SSUH2: variants seen among roughly 807,000 people sequenced by gnomAD.
SSUH2 encodes ssu-2 homolog.
SSUH2 carries 47 observed loss-of-function variants against 55.3 expected under a neutral mutation model. That is an observed-to-expected ratio of 0.85 (90% CI 0.67 to 1.08). SSUH2 has a LOEUF of 1.08. Among genes scored for constraint, SSUH2 ranks in the 50% least tolerant of loss-of-function variants. SSUH2 has a pLI of 0.00. For missense variants in SSUH2, 535 were observed against 490.7 expected, an observed-to-expected ratio of 1.09 and a Z score of -0.85; for synonymous variants, 212 against 191.5, an observed-to-expected ratio of 1.11 and a Z score of -0.89.
intron 1 of SSUH2, among the ~76,000 whole-genome samples, chr3:8,680,091 G>C (rs565227227): frequency 7.2e-5 from 11 of 152,182 alleles, no homozygotes; most frequent in African/African-American, 2.2e-4. Context: ...GTATGCATCA[G>C]AGAGAGAAAA....
chr3:8,635,855 C>T lies in SSUH2; in HGVS notation c.31G>A (p.Val11Met). 2 of 1,535,936 alleles carry T rather than the reference C, an allele frequency of 1.3e-6. No homozygotes were observed. Among genetic ancestry groups the T allele is most frequent in the Non-Finnish European group, 1.7e-6 (2 of 1,146,790 alleles). ...TCGGCCTCAAAACTGAGGTCCACCA[C>T]ACCTGCAGAAAGACAAGCATTCCTA... MDRDLNEDDS[V>M]VDLSFEAESP... The change falls in exon 2 of 12, where the codon GTG becomes ATG. Residue 11 changes from valine to methionine, a missense_variant and splice_region_variant. Transcript: ENST00000544814.
intron 11 of SSUH2, among the ~76,000 whole-genome samples, chr3:8,622,700 C>T (rs1254919279): frequency 6.6e-6 from 1 of 152,194 alleles, no homozygotes; most frequent in Admixed American, 6.5e-5. Context: ...TCTTCTCTCT[C>T]CTACAAATCA....
intron 5 of SSUH2, among the ~76,000 whole-genome samples, chr3:8,665,710 A>T (rs774820799): frequency 3.9e-5 from 6 of 152,228 alleles, no homozygotes; most frequent in Non-Finnish European, 8.8e-5. Flanking sequence ...ACGTCTTAAC[A>T]AATTAAATAT....
intron 1 of SSUH2, among the ~76,000 whole-genome samples, chr3:8,638,142 G>A (rs1237899601): frequency 6.6e-6 from 1 of 152,126 alleles, no homozygotes; most frequent in Non-Finnish European, 1.5e-5. Flanking sequence ...GCTGAAACCT[G>A]AGCCTTTCTG....
At position 8,678,900 on chromosome 3, in the gene SSUH2, G is replaced by T. The variant is rs1390378754; in HGVS notation, c.-901+805C>A. On this transcript the variant is annotated intron_variant, in intron 2 of 18. Coordinates refer to the SSUH2 transcript ENST00000317371. ...AGGATCCCCATTGCAAGGGAGGGAG[G>T]CACCCCCCGCCAGGCGGGGACTGAG... is the stretch of plus-strand genomic sequence containing the variant. Among the ~76,000 whole-genome samples, 2 of 104,718 alleles carry T rather than the reference G, an allele frequency of 1.9e-5. 1 individual carries two copies. Among genetic ancestry groups the T allele is most frequent in the Admixed American group, 1.9e-4 (2 of 10,588 alleles). The allele number at this position is 104,718 out of a possible 152,430, so 68.7% of individuals were successfully genotyped here.
chr3:8,644,499 TAC>T (rs1348693699), intron 1 of SSUH2, among the ~76,000 whole-genome samples: 2 of 152,152 alleles, frequency 1.3e-5, no homozygotes, highest in South Asian at 4.1e-4. Context: ...AGGTAGGCTT[TAC>T]ACACGAGAGG....
At chr3:8,681,863 C>G (rs1705978165) in intron 1 of SSUH2, 1 of 164,030 alleles carries the variant, frequency 6.1e-6, no homozygotes, top group Non-Finnish European at 1.3e-5. Context: ...GGAACCCCAT[C>G]GCAGATCCTA....
intron 3 of SSUH2, among the ~76,000 whole-genome samples, chr3:8,674,782 C>A (rs1200579048): frequency 6.6e-6 from 1 of 152,068 alleles, no homozygotes. Flanking sequence ...ATGACCCTTA[C>A]GGTCCCCCGA....
At chr3:8,638,228 G>C (rs913004032) in intron 1 of SSUH2, among the ~76,000 whole-genome samples, 1 of 152,138 alleles carries the variant, frequency 6.6e-6, no homozygotes, top group African/African-American at 2.4e-5. Flanking sequence ...GTCAGGGCTG[G>C]ACTGTAGCCC....
intron 7 of SSUH2, among the ~76,000 whole-genome samples, chr3:8,650,466 G>A (rs1435232236): frequency 6.6e-6 from 1 of 152,174 alleles, no homozygotes; most frequent in African/African-American, 2.4e-5. Context: ...CTTATGCAGG[G>A]ACTTTATCTT....
chr3:8,678,718 C>CAATCA lies in SSUH2; in HGVS notation c.-901+986_-901+987insTGATT, dbSNP rs1705652648. The stretch of plus-strand genomic sequence containing the variant: ...CTTCCCCTCCTGGGTCTTAGGACCC[C>CAATCA]CAACGTGGGGGGGGGAGGCACCACA... On this transcript the variant is annotated intron_variant, in intron 2 of 18. Coordinates refer to the SSUH2 transcript ENST00000317371. Among the ~76,000 whole-genome samples the CAATCA allele has an allele frequency of 2.5e-4, 17 of 68,346 alleles. 4 individuals are homozygous for CAATCA. The highest frequency in any genetic ancestry group is 6.3e-4 in the African/African-American group (13 of 20,654). The allele number at this position is 68,346 out of a possible 152,430, so 44.8% of individuals were successfully genotyped here. A position where few individuals can be genotyped will look rare whatever the true frequency, so the allele number is the denominator to read the frequency against.
rs111400538 is a variant in SSUH2 at position 8,625,677 on chromosome 3, C to T, written c.768-30G>A. ...AGGGAAGGAGGATGAGGGATGAAAGCACACAGTGTGGCAGGTTAAAAGCAT... is the reference window on the plus strand; with the variant it reads ...AGGGAAGGAGGATGAGGGATGAAAGTACACAGTGTGGCAGGTTAAAAGCAT... On this transcript the variant is annotated intron_variant, in intron 9 of 11. Transcript: ENST00000544814. 6.7e-6 allele frequency: 10 copies of T among 1,491,174 alleles called. No individual in the cohort carries two copies. In the East Asian group the frequency reaches 2.0e-4, roughly 30 times the overall value. 92.4% of individuals were successfully genotyped at this position (1,491,174 alleles called of 1,614,324 possible).
intron 2 of SSUH2, among the ~76,000 whole-genome samples, chr3:8,679,539 T>C (rs1240079573): frequency 3.4e-4 from 41 of 119,826 alleles, no homozygotes; most frequent in East Asian, 2.6e-3. Flanking sequence ...GGAGGCACCC[T>C]CAGCGAGGCA....
At chr3:8,673,250 C>T (rs1026395423) in intron 3 of SSUH2, among the ~76,000 whole-genome samples, 7 of 151,890 alleles carry the variant, frequency 4.6e-5, no homozygotes, top group African/African-American at 7.3e-5. Flanking sequence ...TCATTATTAT[C>T]GGTATTGATT....
At chr3:8,677,769 C>T (rs1367909309) in intron 2 of SSUH2, among the ~76,000 whole-genome samples, 1 of 150,540 alleles carries the variant, frequency 6.6e-6, no homozygotes, top group Non-Finnish European at 1.5e-5. Flanking sequence ...GACTCTTGGG[C>T]AAAACCTGAA....
At position 8,678,054 on chromosome 3, in the gene SSUH2, T is replaced by C. The variant is rs562584613; in HGVS notation, c.-900-701A>G. Among the ~76,000 whole-genome samples, 68 of 152,062 alleles carry C rather than the reference T, an allele frequency of 4.5e-4. No individual in the cohort carries two copies. In the East Asian group the frequency reaches 5.8e-3, roughly 13 times the overall value. On this transcript the variant is annotated intron_variant, in intron 2 of 18. Coordinates refer to the SSUH2 transcript ENST00000317371. ...GCGTGTCATATCCTCCTCTCCCACG[T>C]TGCAATTAGAAACAATATCAGTGAG...
upstream of SSUH2, among the ~76,000 whole-genome samples, chr3:8,649,451 G>A (rs894323052): frequency 6.6e-6 from 1 of 152,034 alleles, no homozygotes; most frequent in Non-Finnish European, 1.5e-5. Context: ...TCAGTGTTAT[G>A]GTCGTCCACG....
At chr3:8,665,954 CT>C (rs764023330) in intron 5 of SSUH2, among the ~76,000 whole-genome samples, 3 of 152,016 alleles carry the variant, frequency 2.0e-5, no homozygotes, top group Non-Finnish European at 4.4e-5. Context: ...TACATGTTTA[CT>C]TGTGTTCAGA....
At chr3:8,642,947 CA>C (rs1701104026) in intron 1 of SSUH2, among the ~76,000 whole-genome samples, 1 of 152,204 alleles carries the variant, frequency 6.6e-6, no homozygotes, top group Non-Finnish European at 1.5e-5. Context: ...AGTTCCATCA[CA>C]TCTGAGACCA....
Sources: allele counts gnomAD v4.1 joint callset (sites outside exome capture counted in the v4.1 genomes callset), GRCh38; gene constraint gnomAD v4.1.1; transcripts MANE v1.5; gene names NCBI Gene and HGNC (gene_info 2026-07-23, HGNC 2026-07-21).